NIFK: variants seen among roughly 807,000 people sequenced by gnomAD.
NIFK encodes the protein nucleolar protein interacting with the FHA domain of MKI67.
NIFK carries 16 observed loss-of-function variants against 31.7 expected under a neutral mutation model. The observed-to-expected ratio is 0.50, with a 90% CI of 0.34 to 0.77. The LOEUF is 0.77. NIFK is among the 30% of genes least tolerant of loss of function. The pLI is 0.01. For synonymous variants in NIFK, 126 were observed against 123.0 expected (o/e 1.02, Z -0.16); for missense variants, 341 against 350.4 (o/e 0.97, Z 0.21).
At chr2:121,732,934 T>C (rs1481063877) in intron 2 of NIFK, among the ~76,000 whole-genome samples, 1 of 146,792 alleles carries the variant, frequency 6.8e-6, no homozygotes, top group Non-Finnish European at 1.5e-5. Context: ...TACAAAAAAT[T>C]AGCTGGGCAT....
chr2:121,733,837 CT>C (rs1338448236), intron 2 of NIFK, among the ~76,000 whole-genome samples: 1 of 152,140 alleles, frequency 6.6e-6, no homozygotes, highest in Non-Finnish European at 1.5e-5. Context: ...TGCTGTAAAA[CT>C]TTTTTTAAAA....
Position 121,727,687 on chromosome 2 carries a change from T to C in NIFK, c.*37A>G, listed in dbSNP as rs1478823915. 6.8e-7 allele frequency: 1 copy of C among 1,469,972 alleles called. No individual in the cohort carries two copies. The highest frequency in any genetic ancestry group is 9.3e-7 in the Non-Finnish European group (1 of 1,072,306). 91.1% of individuals were successfully genotyped at this position (1,469,972 alleles called of 1,614,324 possible). ...AATACAAAGTCCACTCTCATAAAAATATTATATTTTTCAAAAGAAATATAA... is the reference window on the plus strand; with the variant it reads ...AATACAAAGTCCACTCTCATAAAAACATTATATTTTTCAAAAGAAATATAA... On this transcript the variant is annotated 3_prime_UTR_variant, in exon 7 of 7. Coordinates refer to ENST00000285814, the MANE Select transcript of NIFK (RefSeq NM_032390.5).
intron 1 of NIFK, 34 bp downstream of exon 1, chr2:121,736,712 C>G (rs778942542): frequency 2.5e-6 from 4 of 1,579,124 alleles, no homozygotes; most frequent in Non-Finnish European, 3.5e-6. Flanking sequence ...GTCCATCGCC[C>G]CCGCTCGCAG....
chr2:121,736,720 C>G, intron 1 of NIFK, 26 bp downstream of exon 1: 1 of 1,595,574 alleles, frequency 6.3e-7, no homozygotes. Flanking sequence ...CCCCCGCTCG[C>G]AGCCTGGGCC....
At chr2:121,736,694 T>C in intron 1 of NIFK, 52 bp downstream of exon 1, 9 of 1,500,642 alleles carry the variant, frequency 6.0e-6, no homozygotes, top group Non-Finnish European at 8.4e-6. Flanking sequence ...AGATACCCTC[T>C]AGACCCGGTC....
At chr2:121,729,298 G>A (rs1001803362) in intron 4 of NIFK, among the ~76,000 whole-genome samples, 12 of 151,412 alleles carry the variant, frequency 7.9e-5, no homozygotes, top group Admixed American at 7.9e-4. Context: ...AACCTGGGAG[G>A]CGGAGGTTGC....
At chr2:121,729,367 CAAAAAA>C (rs966976474) in intron 4 of NIFK, among the ~76,000 whole-genome samples, 1 of 62,150 alleles carries the variant, frequency 1.6e-5, no homozygotes. Context: ...GACTCCATCT[CAAAAAA>C]AAAAAAAAAA....
Position 121,727,541 on chromosome 2 carries a change from C to A in NIFK, c.*183G>T, listed in dbSNP as rs2074500041. 4 of 709,574 alleles carry A rather than the reference C, an allele frequency of 5.6e-6. No individual in the cohort carries two copies. The South Asian group carries it at 6.1e-5, about 11-fold the overall frequency. The allele number at this position is 709,574 out of a possible 1,614,324, so 44.0% of individuals were successfully genotyped here. On this transcript the variant is annotated 3_prime_UTR_variant, in exon 7 of 7. Transcript: ENST00000285814. Reference sequence around the variant, plus strand: ...CAAGCCACTGCAAGATGGTATGCACCCCTGTATTTCAGCCAAGGGCAGGCA... The same window carrying A: ...CAAGCCACTGCAAGATGGTATGCACACCTGTATTTCAGCCAAGGGCAGGCA...
At chr2:121,728,605 T>C (rs2074512849) in intron 4 of NIFK, 69 bp from the exon 5 acceptor site, 3 of 848,970 alleles carry the variant, frequency 3.5e-6, no homozygotes, top group Non-Finnish European at 5.6e-6. Flanking sequence ...GATCCTCATA[T>C]ATATTATCAG....
intron 2 of NIFK, among the ~76,000 whole-genome samples, chr2:121,732,441 T>C (rs1295447331): frequency 6.6e-6 from 1 of 152,176 alleles, no homozygotes; most frequent in African/African-American, 2.4e-5. Context: ...TGGTTACATA[T>C]GATAAATACA....
At position 121,727,995 on chromosome 2, in the gene NIFK, T is replaced by A; in HGVS notation, c.694-83A>T. ...CCCAAAAATATCATCTCTCCTCTAT[T>A]TTTACAAGTTGTGCCCCATTATTTT... On this transcript the variant is annotated intron_variant, in intron 6 of 6. Transcript: ENST00000285814. The A allele has an allele frequency of 3.1e-6, 4 of 1,271,816 alleles. No individual in the cohort carries two copies. The South Asian group carries it at 6.3e-5, about 20-fold the overall frequency. 78.8% of individuals were successfully genotyped at this position (1,271,816 alleles called of 1,614,324 possible).
At position 121,736,748 on chromosome 2, in the gene NIFK, G is replaced by C. The variant is rs763466940; in HGVS notation, c.103C>G (p.Gln35Glu). Residue 35 changes from glutamine to glutamate, a missense_variant and splice_region_variant, in exon 1 of 7, where the codon CAG (glutamine) becomes GAG (glutamate). Transcript: ENST00000285814. The stretch of plus-strand genomic sequence containing the variant: ...CCTGGGCCAGGGTGCCTGCTCACCT[G>C]GGTTATGCGCTTGCGAACCTGCGCC... Reference protein sequence around the residue: ...EVAQVRKRITQRKKQEQLTPG... With the variant: ...EVAQVRKRITERKKQEQLTPG... The C allele has an allele frequency of 6.2e-7, 1 of 1,613,350 alleles. No individual in the cohort carries two copies. Among genetic ancestry groups the C allele is most frequent in the South Asian group, 1.1e-5 (1 of 91,072 alleles).
At chr2:121,728,449 G>C (rs778218221) in intron 5 of NIFK, 28 bp downstream of exon 5, 302 of 1,524,726 alleles carry the variant, frequency 2.0e-4, no homozygotes, top group Non-Finnish European at 2.5e-4. Context: ...CTAATATCTT[G>C]CATGTAAAAT....
rs2074585608 is a variant in NIFK, at chr2:121,736,812, C to T, written c.39G>A (p.Ser13=). 2 of 1,614,212 alleles carry T rather than the reference C, an allele frequency of 1.2e-6. No individual in the cohort carries two copies. Among genetic ancestry groups the T allele is most frequent in the Admixed American group, 3.3e-5 (2 of 60,026 alleles). ...TFSGPAGPIL[S]LNPQEDVEFQ... ...ACTCGACATCTTCCTGCGGATTAAGCGACAGGATTGGCCCAGCCGGGCCAG... is the reference window on the plus strand; with the variant it reads ...ACTCGACATCTTCCTGCGGATTAAGTGACAGGATTGGCCCAGCCGGGCCAG... Residue 13 remains serine, a synonymous_variant, in exon 1 of 7, where the codon TCG becomes TCA. Coordinates refer to ENST00000285814, the MANE Select transcript of NIFK (RefSeq NM_032390.5).
intron 1 of NIFK, among the ~76,000 whole-genome samples, chr2:121,736,347 G>A (rs2074580040): frequency 6.6e-6 from 1 of 152,266 alleles, no homozygotes; most frequent in Admixed American, 6.5e-5. Flanking sequence ...AATGTGTTAA[G>A]TCTGGGGCTC....
chr2:121,735,973 C>T (rs1265224470), intron 1 of NIFK, among the ~76,000 whole-genome samples: 5 of 152,158 alleles, frequency 3.3e-5, no homozygotes, highest in Non-Finnish European at 5.9e-5. Context: ...AATATTAGAG[C>T]TCAATAACTA....
chr2:121,733,331 A>G (rs1307928458), intron 2 of NIFK, among the ~76,000 whole-genome samples: 1 of 151,994 alleles, frequency 6.6e-6, no homozygotes, highest in Non-Finnish European at 1.5e-5. Flanking sequence ...CCTGACCAAT[A>G]TGGTGAAACC....
chr2:121,736,736 G>A lies in NIFK; in HGVS notation c.105+10C>T. ...CCCCGCTCGCAGCCTGGGCCAGGGTGCCTGCTCACCTGGGTTATGCGCTTG... is the reference window on the plus strand; with the variant it reads ...CCCCGCTCGCAGCCTGGGCCAGGGTACCTGCTCACCTGGGTTATGCGCTTG... On this transcript the variant is annotated intron_variant, in intron 1 of 6. Transcript: ENST00000285814. The A allele has an allele frequency of 6.2e-7, 1 of 1,607,808 alleles. No homozygotes were observed. Among genetic ancestry groups the A allele is most frequent in the South Asian group, 1.1e-5 (1 of 90,980 alleles).
In NIFK at chr2:121,730,909, T is replaced by C. The variant is rs140089025; in HGVS notation, c.548A>G (p.Tyr183Cys). ...RKKLAKKGIDYDFPSLILQKT... is the reference protein window; with the variant it reads ...RKKLAKKGIDCDFPSLILQKT... ...AATATTTACCAAAGAAGGAAAATCATAGTCAATTCCTTTTTTAGCTAATTT... is the reference window on the plus strand; with the variant it reads ...AATATTTACCAAAGAAGGAAAATCACAGTCAATTCCTTTTTTAGCTAATTT... Residue 183 changes from tyrosine to cysteine, a missense_variant, in exon 4 of 7, where the codon TAT becomes TGT. Coordinates refer to ENST00000285814, the MANE Select transcript of NIFK (RefSeq NM_032390.5). The C allele has an allele frequency of 1.7e-5, 27 of 1,608,020 alleles. No individual in the cohort carries two copies. Among genetic ancestry groups the C allele is most frequent in the Non-Finnish European group, 2.0e-5 (24 of 1,174,734 alleles).
Sources: gnomAD v4.1 joint callset for allele counts (sites outside exome capture counted in the v4.1 genomes callset) on GRCh38, gnomAD v4.1.1 for gene constraint, MANE v1.5 for transcripts, NCBI Gene and HGNC (gene_info 2026-07-23, HGNC 2026-07-21) for gene names.